FGD3: variants seen among roughly 807,000 people sequenced by gnomAD.
FGD3 encodes the protein FYVE, RhoGEF and PH domain-containing protein 3.
A neutral mutation model predicts 71.8 loss-of-function variants in FGD3; 45 were observed. That is an observed-to-expected ratio of 0.63 (90% confidence interval 0.49 to 0.80). The LOEUF is 0.80. Ranked by LOEUF, FGD3 falls within the 30% of genes least tolerant of loss-of-function variation. FGD3 has a pLI of 0.00. For synonymous variants in FGD3, 378 were observed against 392.8 expected (o/e 0.96, Z 0.44); for missense variants, 844 against 951.5 (o/e 0.89, Z 1.49).
intron 17 of FGD3, 128 bp from the exon 18 acceptor site, chr9:93,035,210 C>G (rs961620814): frequency 3.7e-6 from 5 of 1,364,116 alleles, no homozygotes; most frequent in Non-Finnish European, 4.9e-6. Flanking sequence ...CACCAGACCC[C>G]TCGGGCTCAG....
chr9:92,987,143 G>A (rs1019018355), intron 3 of FGD3, among the ~76,000 whole-genome samples: 4 of 152,280 alleles, frequency 2.6e-5, no homozygotes, highest in South Asian at 2.1e-4. Flanking sequence ...AGTTGAAAAA[G>A]CAGAGGAGGC....
At chr9:92,965,464 G>A (rs761386786) in intron 1 of FGD3, among the ~76,000 whole-genome samples, 3 of 152,232 alleles carry the variant, frequency 2.0e-5, no homozygotes, top group Non-Finnish European at 4.4e-5. Context: ...CCAGCTGGGT[G>A]TGAAAGGGAG....
chr9:93,007,016 C>G (rs1053264281), intron 6 of FGD3, among the ~76,000 whole-genome samples: 1 of 152,032 alleles, frequency 6.6e-6, no homozygotes, highest in African/African-American at 2.4e-5. Context: ...CGTGAGCCAC[C>G]GCGCCCCGCC....
At chr9:92,976,796 C>G in intron 3 of FGD3, 87 bp downstream of exon 3, 1 of 1,350,114 alleles carries the variant, frequency 7.4e-7, no homozygotes, top group Non-Finnish European at 1.0e-6. Context: ...TCATCCCACA[C>G]CTTGTTTCCA....
intron 1 of FGD3, among the ~76,000 whole-genome samples, chr9:92,968,298 G>A (rs757272782): frequency 8.5e-5 from 13 of 152,272 alleles, no homozygotes; most frequent in African/African-American, 3.1e-4. Flanking sequence ...AGCCATATTT[G>A]TGAGTGTCTG....
intron 3 of FGD3, among the ~76,000 whole-genome samples, chr9:92,978,332 T>C (rs1414696895): frequency 4.6e-5 from 7 of 152,196 alleles, no homozygotes; most frequent in African/African-American, 1.7e-4. Flanking sequence ...CACATTCTTT[T>C]TCTTTAGCAG....
intron 15 of FGD3, chr9:93,032,452 C>A: frequency 3.4e-6 from 1 of 290,354 alleles, no homozygotes; most frequent in South Asian, 7.0e-5. Flanking sequence ...TTGCGTTTCC[C>A]TGATGGCCAG....
intron 3 of FGD3, among the ~76,000 whole-genome samples, chr9:92,991,879 A>C (rs1278152400): frequency 6.6e-6 from 1 of 152,156 alleles, no homozygotes; most frequent in Non-Finnish European, 1.5e-5. Flanking sequence ...CTCCTGAATT[A>C]ATCCCTTTAT....
chr9:93,031,850 C>T (rs2118841279), intron 15 of FGD3, among the ~76,000 whole-genome samples: 1 of 152,248 alleles, frequency 6.6e-6, no homozygotes, highest in East Asian at 1.9e-4. Context: ...CAGCAGGAGC[C>T]TCTTTGTGCT....
intron 8 of FGD3, among the ~76,000 whole-genome samples, 158 bp downstream of exon 8, chr9:93,011,430 G>T (rs993192680): frequency 6.6e-6 from 1 of 152,206 alleles, no homozygotes; most frequent in Admixed American, 6.5e-5. Flanking sequence ...GGGTCAGCTG[G>T]ACAGCCCCGC....
At chr9:92,996,508 C>G (rs1860650662) in intron 3 of FGD3, among the ~76,000 whole-genome samples, 1 of 151,642 alleles carries the variant, frequency 6.6e-6, no homozygotes, top group Non-Finnish European at 1.5e-5. Context: ...TTATTTCTTG[C>G]CTTCTGCTAG....
Position 93,020,309 on chromosome 9 carries a change from G to A in FGD3, c.1387-8G>A. The A allele has an allele frequency of 6.2e-7, 1 of 1,608,298 alleles. No individual in the cohort carries two copies. The highest frequency in any genetic ancestry group is 8.5e-7 in the Non-Finnish European group (1 of 1,177,454). The stretch of plus-strand genomic sequence containing the variant: ...TTATAGTCCTCACTGTTGTGTTGCT[G>A]TGTCCAGATCATCCAGGCCACCATC... On this transcript the variant is annotated splice_region_variant and splice_polypyrimidine_tract_variant and intron_variant, in intron 12 of 17. Transcript: ENST00000375482.
chr9:92,997,874 C>T (rs1202930582), intron 3 of FGD3, among the ~76,000 whole-genome samples: 1 of 152,190 alleles, frequency 6.6e-6, no homozygotes, highest in Non-Finnish European at 1.5e-5. Context: ...GTGGATAACC[C>T]AACCTTTCTC....
chr9:93,023,039 G>C (rs1256993907), intron 14 of FGD3, among the ~76,000 whole-genome samples: 2 of 152,192 alleles, frequency 1.3e-5, no homozygotes, highest in Non-Finnish European at 2.9e-5. Flanking sequence ...AAGAGCATCT[G>C]TACCTGGAGC....
chr9:92,980,010 A>C (rs1203744365), intron 3 of FGD3, among the ~76,000 whole-genome samples: 1 of 148,690 alleles, frequency 6.7e-6, no homozygotes, highest in Non-Finnish European at 1.5e-5. Context: ...AAAAATCTAT[A>C]CATTTAGACA....
chr9:92,984,319 GC>G (rs1860109703), intron 3 of FGD3, among the ~76,000 whole-genome samples: 1 of 152,140 alleles, frequency 6.6e-6, no homozygotes. Context: ...TCCTTTTCAT[GC>G]AAAATCACTT....
In FGD3 at chr9:92,976,520, G is replaced by A. The variant is rs564479378; in HGVS notation, c.264G>A (p.Glu88=). 1.9e-6 allele frequency: 3 copies of A among 1,612,562 alleles called. No homozygotes were observed. The highest frequency in any genetic ancestry group is 1.1e-5 in the South Asian group (1 of 90,848). ...IDSPSSSVAG[E]NFPCEEGLEA... ...GTCCCTCCTCCAGTGTGGCTGGAGAGAACTTTCCCTGCGAGGAGGGCTTGG... is the reference window on the plus strand; with the variant it reads ...GTCCCTCCTCCAGTGTGGCTGGAGAAAACTTTCCCTGCGAGGAGGGCTTGG... Residue 88 remains glutamate, a synonymous_variant, in exon 3 of 18, where the codon GAG becomes GAA. Transcript: ENST00000375482.
At position 93,035,690 on chromosome 9, in the gene FGD3, T is replaced by TG. The variant is rs1032861870; in HGVS notation, c.*104dup. 1 of 1,449,846 alleles carries TG rather than the reference T, an allele frequency of 6.9e-7. No homozygotes were observed. The highest frequency in any genetic ancestry group is 1.4e-5 in the African/African-American group (1 of 70,554). The allele number at this position is 1,449,846 out of a possible 1,614,324, so 89.8% of individuals were successfully genotyped here. Reference sequence around the variant, plus strand: ...GAAGAGCGCCCTGGACTGCTGAGGGTGGGCCAACAGCCCAGAGCTCAGGAC... The same window carrying TG: ...GAAGAGCGCCCTGGACTGCTGAGGGTGGGGCCAACAGCCCAGAGCTCAGGAC... On this transcript the variant is annotated 3_prime_UTR_variant, in exon 18 of 18. Coordinates refer to ENST00000375482, the MANE Select transcript of FGD3 (RefSeq NM_001083536.2).
At chr9:92,958,664 C>T (rs1449039215) in intron 1 of FGD3, among the ~76,000 whole-genome samples, 1 of 152,130 alleles carries the variant, frequency 6.6e-6, no homozygotes, top group Non-Finnish European at 1.5e-5. Context: ...AATATTTTCA[C>T]CTATGTGTTT....
Sources: allele counts gnomAD v4.1 joint callset (sites outside exome capture counted in the v4.1 genomes callset), GRCh38; gene constraint gnomAD v4.1.1; transcripts MANE v1.5; gene names NCBI Gene and HGNC (gene_info 2026-07-23, HGNC 2026-07-21).